The following STK10 variants were observed in gnomAD, a reference collection of about 807,000 sequenced individuals.
STK10 encodes serine/threonine-protein kinase 10.
Under a neutral mutation model 113.8 loss-of-function variants are expected in STK10, and 78 were observed. That is an observed-to-expected ratio of 0.69 (90% CI 0.57 to 0.83). STK10 has a LOEUF of 0.83. Among genes scored for constraint, STK10 ranks in the 40% least tolerant of loss-of-function variants. STK10 has a pLI of 0.00. For synonymous variants in STK10, 465 were observed against 494.7 expected, an observed-to-expected ratio of 0.94 and a Z score of 0.80; for missense variants, 1,109 against 1,280.1, an observed-to-expected ratio of 0.87 and a Z score of 2.04.
At chr5:172,147,074 C>T (rs1473214728) in intron 2 of STK10, among the ~76,000 whole-genome samples, 1 of 152,214 alleles carries the variant, frequency 6.6e-6, no homozygotes, top group Non-Finnish European at 1.5e-5. Context: ...TTTGCTGGAA[C>T]TGGCTCACAG....
chr5:172,057,004 GGAAAGAAA>G (rs57276469), intron 15 of STK10: 2,519 of 73,450 alleles, frequency 0.034, 80 homozygotes, highest in East Asian at 0.11. Context: ...AGAGAAAGAA[GGAAAGAAA>G]GAAAGAAAGA....
At chr5:172,128,765 G>C (rs3776762) in intron 2 of STK10, among the ~76,000 whole-genome samples, 75,384 of 152,044 alleles carry the variant, frequency 0.5, 19,107 homozygotes, top group East Asian at 0.79. Flanking sequence ...ACCCAGCTCA[G>C]CAGAGGCCCT....
Position 172,051,777 on chromosome 5 carries a change from G to A in STK10, c.2766+1152C>T, listed in dbSNP as rs1001128053. Among the ~76,000 whole-genome samples, 5 of 152,242 alleles carry A rather than the reference G, an allele frequency of 3.3e-5. No homozygotes were observed. The South Asian group carries it at 8.3e-4, about 25-fold the overall frequency. On this transcript the variant is annotated intron_variant, in intron 18 of 18. Transcript: ENST00000176763. ...CTGGCAGCACTGGCTGCCACCAGGA[G>A]GTCAAGTCCAGCCAGCCGTATCCAT... is the stretch of plus-strand genomic sequence containing the variant.
intron 2 of STK10, among the ~76,000 whole-genome samples, chr5:172,155,358 C>A (rs903298923): frequency 1.3e-5 from 2 of 151,900 alleles, no homozygotes; most frequent in Non-Finnish European, 2.9e-5. Flanking sequence ...AGCAGCCAGG[C>A]GTGGTGGCAT....
At chr5:172,107,119 A>G (rs1185625865) in intron 5 of STK10, 1 of 305,018 alleles carries the variant, frequency 3.3e-6, no homozygotes, top group Non-Finnish European at 6.1e-6. Flanking sequence ...GCGGAGCAAA[A>G]AAAAAGGGGC....
intron 8 of STK10, among the ~76,000 whole-genome samples, chr5:172,095,553 G>C (rs377421342): frequency 2.0e-5 from 3 of 152,360 alleles, no homozygotes; most frequent in African/African-American, 7.2e-5. Flanking sequence ...CAGAGCTGTA[G>C]AGGGCCCGGC....
At chr5:172,118,873 A>G (rs927977959) in intron 3 of STK10, among the ~76,000 whole-genome samples, 1 of 141,540 alleles carries the variant, frequency 7.1e-6, no homozygotes, top group Non-Finnish European at 1.5e-5. Flanking sequence ...AGCGAGACTC[A>G]GTCTCAAAAA....
chr5:172,093,504 T>C lies in STK10; in HGVS notation c.1462A>G (p.Ser488Gly). ...PGPSKRDSDC[S>G]SLCTSESMDY... ...ATGCTCTCAGAGGTGCAGAGGCTGC[T>C]GCAGTCCGAGTCCCTCTTGGAAGGC... is the stretch of plus-strand genomic sequence containing the variant. The change falls in exon 9 of 19, where the codon AGC (serine) becomes GGC (glycine). Residue 488 changes from serine to glycine, a missense_variant. Ser to Gly is a moderately conservative substitution (Grantham distance 56). Around this residue, in one of 5 missense-constraint regions of STK10, gnomAD observed 885 missense variants for 991.1 expected, o/e 0.89. Transcript: ENST00000176763. This position sits in a 1 kb window ranked among gnomAD's most constrained non-coding sequence, Gnocchi z 4.1. 6.2e-7 allele frequency: 1 copy of C among 1,614,238 alleles called. No homozygotes were observed. Among genetic ancestry groups the C allele is most frequent in the Admixed American group, 1.7e-5 (1 of 60,028 alleles).
At chr5:172,175,604 C>G (rs1371905542) in intron 1 of STK10, among the ~76,000 whole-genome samples, 1 of 152,148 alleles carries the variant, frequency 6.6e-6, no homozygotes, top group African/African-American at 2.4e-5. Context: ...CCCCTCACCA[C>G]TTCCTCTGCA....
intron 2 of STK10, among the ~76,000 whole-genome samples, chr5:172,155,046 A>C (rs2113815822): frequency 6.7e-6 from 1 of 149,976 alleles, no homozygotes; most frequent in South Asian, 2.1e-4. Context: ...CTTAATGGGT[A>C]CATAGTCAGC....
intron 9 of STK10, among the ~76,000 whole-genome samples, chr5:172,092,277 G>A (rs1230206499): frequency 6.6e-6 from 1 of 152,198 alleles, no homozygotes; most frequent in Non-Finnish European, 1.5e-5. Flanking sequence ...CACGCCAGGG[G>A]GTGCCGGCAC....
chr5:172,086,748 C>T (rs1768569846), intron 10 of STK10, among the ~76,000 whole-genome samples: 2 of 152,184 alleles, frequency 1.3e-5, no homozygotes, highest in African/African-American at 4.8e-5. Context: ...GCCTAGTTTA[C>T]AGGCGCTCAG....
chr5:172,134,891 G>A (rs939860051), intron 2 of STK10, among the ~76,000 whole-genome samples: 2 of 150,772 alleles, frequency 1.3e-5, no homozygotes, highest in Non-Finnish European at 3.0e-5. Context: ...GACACTGCAC[G>A]CCAGCCTGGG....
intron 2 of STK10, among the ~76,000 whole-genome samples, chr5:172,156,331 C>T (rs1301328326): frequency 5.3e-5 from 8 of 152,190 alleles, no homozygotes. Flanking sequence ...GAAACTAAGG[C>T]ATGGAGAGGT....
At chr5:172,137,724 CA>C (rs34773105) in intron 2 of STK10, among the ~76,000 whole-genome samples, 24,291 of 91,012 alleles carry the variant, frequency 0.27, 2,238 homozygotes, top group Non-Finnish European at 0.34. Flanking sequence ...ACTAAAAATA[CA>C]AAAAAAAAAA....
chr5:172,057,015 A>AAAAG (rs1767815779), intron 15 of STK10: 1 of 148,694 alleles, frequency 6.7e-6, no homozygotes, highest in African/African-American at 2.8e-5. Context: ...GAAAGAAAGA[A>AAAAG]AGAAAGAAAG....
At chr5:172,164,139 G>A (rs1770520491) in intron 1 of STK10, among the ~76,000 whole-genome samples, 1 of 151,250 alleles carries the variant, frequency 6.6e-6, no homozygotes, top group Non-Finnish European at 1.5e-5. Context: ...TTGAACCCGG[G>A]AGGCGGAGGT....
intron 4 of STK10, 110 bp downstream of exon 4, chr5:172,117,371 A>T (rs539627712): frequency 1.5e-6 from 2 of 1,292,532 alleles, no homozygotes; most frequent in African/African-American, 1.5e-5. Flanking sequence ...CGTAGGCGTG[A>T]GGACCCCACA....
intron 7 of STK10, among the ~76,000 whole-genome samples, chr5:172,104,217 G>A (rs1769052407): frequency 6.6e-6 from 1 of 152,218 alleles, no homozygotes. Context: ...GCAGTGAAAG[G>A]GCAGCCCTGT....
Sources: allele counts gnomAD v4.1 joint callset (sites outside exome capture counted in the v4.1 genomes callset), GRCh38; gene constraint gnomAD v4.1.1; regional missense constraint gnomAD v4.1.1; non-coding constraint Gnocchi (gnomAD v3.1); transcripts MANE v1.5; gene names NCBI Gene and HGNC (gene_info 2026-07-23, HGNC 2026-07-21).